Variants in SLC49A4 observed in about 807,000 individuals in gnomAD.
The protein encoded by SLC49A4 is solute carrier family 49 member 4, also known as disrupted in renal cancer protein 2.
SLC49A4 carries 36 observed loss-of-function variants against 50.6 expected under a neutral mutation model. That is an observed-to-expected ratio of 0.71 (90% CI 0.55 to 0.94). The LOEUF (loss-of-function observed/expected upper bound fraction) is 0.94, where lower values mean the gene tolerates loss of function less well. Ranked by LOEUF, SLC49A4 falls within the 40% of genes least tolerant of loss-of-function variation. SLC49A4 has a pLI of 0.00. For synonymous variants in SLC49A4, 248 were observed against 241.2 expected (o/e 1.03, Z -0.26); for missense variants, 503 against 605.7 (o/e 0.83, Z 1.78).
intron 3 of SLC49A4, among the ~76,000 whole-genome samples, chr3:122,831,866 C>A (rs1359435064): frequency 6.6e-6 from 1 of 151,676 alleles, no homozygotes; most frequent in Non-Finnish European, 1.5e-5. Flanking sequence ...TTTAGGTGCT[C>A]ATTCAGTATT....
rs114581460 is a variant in SLC49A4, at chr3:122,846,102, C to T, written c.942+231C>T. Among the ~76,000 whole-genome samples the T allele has an allele frequency of 8.1e-3, 1,233 of 152,222 alleles. 9 individuals are homozygous for T. The highest frequency in any genetic ancestry group is 0.026 in the African/African-American group (1,082 of 41,536). On this transcript the variant is annotated intron_variant, in intron 5 of 8. Transcript: ENST00000261038. The stretch of plus-strand genomic sequence containing the variant: ...TCTGTGGGCATTATTAATGATACTA[C>T]TGGTTTTTTAAAAAAGGAAGGAAGT...
At chr3:122,807,542 G>A (rs1452950047) in intron 2 of SLC49A4, among the ~76,000 whole-genome samples, 2 of 152,114 alleles carry the variant, frequency 1.3e-5, no homozygotes, top group South Asian at 2.1e-4. Context: ...TAAGGTATAC[G>A]AAGGTTTTAA....
At chr3:122,821,128 T>C (rs1936443095) in intron 2 of SLC49A4, among the ~76,000 whole-genome samples, 1 of 152,236 alleles carries the variant, frequency 6.6e-6, no homozygotes, top group African/African-American at 2.4e-5. Context: ...CCTTTACTCC[T>C]CCTTCGCTTT....
intron 4 of SLC49A4, among the ~76,000 whole-genome samples, chr3:122,840,119 A>G (rs529862734): frequency 7.2e-4 from 109 of 152,338 alleles, no homozygotes; most frequent in African/African-American, 2.4e-3. Context: ...CGTTATTCTA[A>G]GTGAAGTAAC....
At chr3:122,831,577 G>C (rs907176471) in intron 3 of SLC49A4, among the ~76,000 whole-genome samples, 7 of 152,090 alleles carry the variant, frequency 4.6e-5, no homozygotes, top group African/African-American at 1.7e-4. Flanking sequence ...AATCTATAGG[G>C]ACTAAAAGTA....
intron 5 of SLC49A4, among the ~76,000 whole-genome samples, chr3:122,854,861 G>A (rs1303210431): frequency 1.3e-5 from 2 of 152,186 alleles, no homozygotes; most frequent in Admixed American, 6.5e-5. Context: ...GGAGGCCGAG[G>A]CGGGCGGATC....
At chr3:122,851,993 C>CTTT (rs368287566) in intron 5 of SLC49A4, among the ~76,000 whole-genome samples, 4 of 128,030 alleles carry the variant, frequency 3.1e-5, no homozygotes, top group Non-Finnish European at 5.0e-5. Context: ...ATCTTTGATT[C>CTTT]TTTTTTTTTT....
intron 2 of SLC49A4, among the ~76,000 whole-genome samples, chr3:122,807,272 G>A (rs1329830437): frequency 6.6e-6 from 1 of 151,986 alleles, no homozygotes; most frequent in South Asian, 2.1e-4. Flanking sequence ...ATACAAAATT[G>A]CCTCGAGACT....
chr3:122,874,628 G>A (rs539950893), intron 8 of SLC49A4, among the ~76,000 whole-genome samples: 1 of 152,280 alleles, frequency 6.6e-6, no homozygotes, highest in South Asian at 2.1e-4. Context: ...TTAGATTCAA[G>A]GAGTACATGT....
In SLC49A4 at chr3:122,827,052, T is replaced by C. The variant is rs376232447; in HGVS notation, c.690T>C (p.Ala230=). 15 of 1,610,538 alleles carry C rather than the reference T, an allele frequency of 9.3e-6. No individual in the cohort carries two copies. Among genetic ancestry groups the C allele is most frequent in the Non-Finnish European group, 1.1e-5 (13 of 1,176,910 alleles). The change falls in exon 3 of 9, where the codon GCT becomes GCC. Residue 230 remains alanine (A), a synonymous_variant. Transcript: ENST00000261038. ...SRAHIKDRIE[A]VLYAEFGVVC... The stretch of plus-strand genomic sequence containing the variant: ...CGCATATTAAAGATCGCATAGAGGC[T>C]GTGTTATATGCAGGTAATTTGAAGT...
intron 7 of SLC49A4, among the ~76,000 whole-genome samples, chr3:122,861,925 G>C (rs1937061679): frequency 6.6e-6 from 1 of 152,184 alleles, no homozygotes; most frequent in African/African-American, 2.4e-5. Context: ...ATTAGATTCT[G>C]CTGCATTCTT....
At chr3:122,865,822 G>A (rs779705595) in intron 7 of SLC49A4, among the ~76,000 whole-genome samples, 1 of 152,090 alleles carries the variant, frequency 6.6e-6, no homozygotes, top group South Asian at 2.1e-4. Context: ...GTCCAGTAAA[G>A]TGTGTTAATG....
chr3:122,858,797 T>C (rs1384517639), intron 6 of SLC49A4, among the ~76,000 whole-genome samples: 4 of 152,110 alleles, frequency 2.6e-5, no homozygotes, highest in Non-Finnish European at 5.9e-5. Flanking sequence ...CAGAATAAAT[T>C]GTGCAGCCAG....
intron 4 of SLC49A4, among the ~76,000 whole-genome samples, chr3:122,838,944 A>G (rs1034900572): frequency 6.6e-6 from 1 of 152,176 alleles, no homozygotes; most frequent in Non-Finnish European, 1.5e-5. Context: ...AATCCTAAGC[A>G]AAAGGAACAA....
At chr3:122,813,058 T>C (rs1936320859) in intron 2 of SLC49A4, among the ~76,000 whole-genome samples, 2 of 152,098 alleles carry the variant, frequency 1.3e-5, no homozygotes, top group African/African-American at 4.8e-5. Context: ...AAGACCAGCC[T>C]AGCCAACATA....
Position 122,879,140 on chromosome 3 carries a change from G to T in SLC49A4, c.1322-123G>T, listed in dbSNP as rs962534254. The T allele has an allele frequency of 4.3e-6, 3 of 696,582 alleles. No individual in the cohort carries two copies. The African/African-American group carries it at 5.4e-5, about 12-fold the overall frequency. The allele number at this position is 696,582 out of a possible 1,614,324, so 43.2% of individuals were successfully genotyped here. On this transcript the variant is annotated intron_variant, in intron 8 of 8. Coordinates refer to ENST00000261038, the MANE Select transcript of SLC49A4 (RefSeq NM_032839.3). Reference sequence around the variant, plus strand: ...ACTATTTATTGAAAGCCAGTTTCTAGGCCTTCCAGGGTACATTTATTATAA... The same window carrying T: ...ACTATTTATTGAAAGCCAGTTTCTATGCCTTCCAGGGTACATTTATTATAA...
intron 2 of SLC49A4, among the ~76,000 whole-genome samples, chr3:122,823,901 C>T (rs1446740665): frequency 6.6e-6 from 1 of 152,144 alleles, no homozygotes; most frequent in Non-Finnish European, 1.5e-5. Flanking sequence ...TTACAGATTA[C>T]TGTAACATCA....
intron 2 of SLC49A4, among the ~76,000 whole-genome samples, chr3:122,810,058 A>C (rs1419106201): frequency 6.6e-6 from 1 of 152,184 alleles, no homozygotes; most frequent in Non-Finnish European, 1.5e-5. Context: ...GTGTTGAAAC[A>C]AGCATTTACA....
Position 122,816,097 on chromosome 3 carries a change from G to A in SLC49A4, c.437+9147G>A, listed in dbSNP as rs114105153. ...ACCCATCCCAGATTTTCTCAATTTA[G>A]TGGTATCCACATTGATGCCATCTGA... On this transcript the variant is annotated intron_variant, in intron 2 of 8. Transcript: ENST00000261038. Among the ~76,000 whole-genome samples the A allele has an allele frequency of 9.2e-3, 1,401 of 152,146 alleles. 28 individuals carry two copies. The highest frequency in any genetic ancestry group is 0.032 in the African/African-American group (1,346 of 41,468).
Sources: gnomAD v4.1 joint callset for allele counts (sites outside exome capture counted in the v4.1 genomes callset) on GRCh38, gnomAD v4.1.1 for gene constraint, MANE v1.5 for transcripts, NCBI Gene and HGNC (gene_info 2026-07-23, HGNC 2026-07-21) for gene names.